Variants in ALDH1L1 observed in about 807,000 individuals in gnomAD.
ALDH1L1 encodes cytosolic 10-formyltetrahydrofolate dehydrogenase.
ALDH1L1 carries 68 observed loss-of-function variants against 101.1 expected under a neutral mutation model. That is an observed-to-expected ratio of 0.67 (90% confidence interval 0.55 to 0.82). ALDH1L1 has a LOEUF of 0.82. Among genes scored for constraint, ALDH1L1 ranks in the 40% least tolerant of loss-of-function variants. The pLI is 0.00. For missense variants in ALDH1L1, 1,087 were observed against 1,172.7 expected (o/e 0.93, Z 1.07); for synonymous variants, 486 against 470.8 (o/e 1.03, Z -0.42).
At chr3:126,172,111 A>T (rs1488903215) in intron 1 of ALDH1L1, among the ~76,000 whole-genome samples, 2 of 152,218 alleles carry the variant, frequency 1.3e-5, no homozygotes, top group Non-Finnish European at 2.9e-5. Flanking sequence ...GTAAATATCA[A>T]ACCTCACACT....
chr3:126,157,418 C>G lies in ALDH1L1; in HGVS notation c.453G>C (p.Glu151Asp). Residue 151 changes from glutamate (E) to aspartate (D), a missense_variant, in exon 4 of 23, where the codon GAG (glutamate) becomes GAC (aspartate). This residue lies in a region of ALDH1L1 where 645 missense variants were observed against 637.0 expected (regional missense o/e 1.01). Transcript: ENST00000393434. ...LDTGDLLLQKECEVLPDDTVS... is the reference protein window; with the variant it reads ...LDTGDLLLQKDCEVLPDDTVS... ...CGGTGTCGTCCGGGAGCACCTCACA[C>G]TCCTTCTGCAGCAGCAGGTCTCCGG... is the stretch of plus-strand genomic sequence containing the variant. The G allele has an allele frequency of 1.2e-6, 2 of 1,614,164 alleles. No individual in the cohort carries two copies. Among genetic ancestry groups the G allele is most frequent in the Non-Finnish European group, 1.7e-6 (2 of 1,180,010 alleles).
intron 11 of ALDH1L1, 33 bp downstream of exon 11, chr3:126,136,731 A>C: frequency 6.4e-7 from 1 of 1,554,318 alleles, no homozygotes; most frequent in Non-Finnish European, 8.7e-7. Context: ...GAGGCTGGGG[A>C]ATGTGGAGAA....
chr3:126,145,889 G>T (rs13074831), intron 9 of ALDH1L1, among the ~76,000 whole-genome samples: 3,297 of 152,238 alleles, frequency 0.022, 52 homozygotes, highest in Non-Finnish European at 0.031. Flanking sequence ...AAGCAGTTTT[G>T]CTTTCTTTGC....
chr3:126,152,735 C>G (rs546900994), intron 7 of ALDH1L1: 2 of 159,398 alleles, frequency 1.3e-5, no homozygotes, highest in Non-Finnish European at 2.8e-5. Context: ...ATGGCCAAGA[C>G]CAGCATCACG....
At chr3:126,126,766 C>T (rs2080195332) in intron 14 of ALDH1L1, among the ~76,000 whole-genome samples, 1 of 152,202 alleles carries the variant, frequency 6.6e-6, no homozygotes, top group South Asian at 2.1e-4. Flanking sequence ...TATGCTGAAG[C>T]CCTAATCTCC....
At chr3:126,172,881 G>A (rs2081306488) in intron 1 of ALDH1L1, among the ~76,000 whole-genome samples, 1 of 152,122 alleles carries the variant, frequency 6.6e-6, no homozygotes, top group Non-Finnish European at 1.5e-5. Context: ...CCTATAGAGG[G>A]AGAGAGATGA....
At chr3:126,154,470 A>G in intron 6 of ALDH1L1, 84 bp downstream of exon 6, 1 of 1,370,432 alleles carries the variant, frequency 7.3e-7, no homozygotes, top group South Asian at 1.2e-5. Context: ...TATTATACCA[A>G]CCAGTTCAAA....
At chr3:126,142,278 G>A (rs1237007218) in intron 9 of ALDH1L1, among the ~76,000 whole-genome samples, 1 of 152,162 alleles carries the variant, frequency 6.6e-6, no homozygotes, top group Non-Finnish European at 1.5e-5. Flanking sequence ...TGAAGGGAAA[G>A]TAACACCAAT....
At chr3:126,187,993 C>T (rs867985560) in intron 1 of ALDH1L1, among the ~76,000 whole-genome samples, 7 of 152,314 alleles carry the variant, frequency 4.6e-5, no homozygotes, top group Middle Eastern at 3.4e-3. Flanking sequence ...AGAACAGGTT[C>T]AAAGAGCTCC....
intron 1 of ALDH1L1, among the ~76,000 whole-genome samples, chr3:126,167,259 A>G (rs889625326): frequency 2.0e-5 from 3 of 152,224 alleles, no homozygotes; most frequent in African/African-American, 7.2e-5. Flanking sequence ...TAAGGAAAAA[A>G]GGAACCAGGG....
intron 1 of ALDH1L1, among the ~76,000 whole-genome samples, chr3:126,174,009 G>A (rs533922600): frequency 1.7e-4 from 26 of 152,270 alleles, no homozygotes; most frequent in African/African-American, 5.8e-4. Context: ...ATTACAGTTG[G>A]AGACATCAAC....
At chr3:126,146,977 G>A in intron 8 of ALDH1L1, 51 bp from the exon 9 acceptor site, 1 of 1,565,242 alleles carries the variant, frequency 6.4e-7, no homozygotes, top group Non-Finnish European at 8.7e-7. Context: ...CTGGGGACAA[G>A]TGCCACTCCA....
At chr3:126,142,877 C>G (rs867169402) in intron 9 of ALDH1L1, among the ~76,000 whole-genome samples, 63 of 152,302 alleles carry the variant, frequency 4.1e-4, no homozygotes, top group African/African-American at 1.5e-3. Flanking sequence ...TTCCAAGGCT[C>G]CCAGTGAGTG....
intron 9 of ALDH1L1, among the ~76,000 whole-genome samples, chr3:126,143,381 T>C (rs1285054849): frequency 6.6e-6 from 1 of 152,100 alleles, no homozygotes; most frequent in African/African-American, 2.4e-5. Flanking sequence ...GATCCACGTA[T>C]CAGGTGGGAT....
chr3:126,112,931 GC>G, intron 18 of ALDH1L1, 51 bp from the exon 19 acceptor site: 2 of 1,569,910 alleles, frequency 1.3e-6, no homozygotes, highest in Non-Finnish European at 8.7e-7. Context: ...TGGGACACCA[GC>G]CCCCGGCTCT....
chr3:126,188,168 T>C (rs1169500781), intron 1 of ALDH1L1, among the ~76,000 whole-genome samples: 2 of 152,244 alleles, frequency 1.3e-5, no homozygotes, highest in Non-Finnish European at 2.9e-5. Flanking sequence ...ATTTGATCCT[T>C]GGACAACGCA....
chr3:126,127,113 T>C (rs748993282), intron 14 of ALDH1L1, among the ~76,000 whole-genome samples: 2 of 152,152 alleles, frequency 1.3e-5, no homozygotes, highest in Non-Finnish European at 2.9e-5. Context: ...CGAGTTTCCA[T>C]TGATTAGGCC....
chr3:126,123,967 CAACTA>C (rs2080128501), intron 16 of ALDH1L1, among the ~76,000 whole-genome samples: 1 of 152,202 alleles, frequency 6.6e-6, no homozygotes, highest in South Asian at 2.1e-4. Context: ...ATAAACTAGA[CAACTA>C]AACACAACAA....
upstream of ALDH1L1, chr3:126,180,724 C>A (rs964767352): frequency 7.1e-7 from 1 of 1,403,040 alleles, no homozygotes; most frequent in Non-Finnish European, 9.3e-7. Context: ...CCTCTCCGGG[C>A]GGGTCTATAA....
Sources: allele counts gnomAD v4.1 joint callset (sites outside exome capture counted in the v4.1 genomes callset), GRCh38; gene constraint gnomAD v4.1.1; regional missense constraint gnomAD v4.1.1; transcripts MANE v1.5; gene names NCBI Gene and HGNC (gene_info 2026-07-23, HGNC 2026-07-21).